Variants in NIBAN2 observed in about 807,000 individuals in gnomAD.
NIBAN2 encodes the protein niban apoptosis regulator 2.
NIBAN2 carries 36 observed loss-of-function variants against 81.8 expected under a neutral mutation model. That is an observed-to-expected ratio of 0.44 (90% CI 0.34 to 0.58). The LOEUF (loss-of-function observed/expected upper bound fraction) is 0.58, where lower values mean the gene tolerates loss of function less well. Ranked by LOEUF, NIBAN2 falls within the 20% of genes least tolerant of loss-of-function variation. NIBAN2 has a pLI of 0.02. For missense variants in NIBAN2, 897 were observed against 1,014.1 expected (o/e 0.88, Z 1.57); for synonymous variants, 445 against 441.6 (o/e 1.01, Z -0.10).
Position 127,568,925 on chromosome 9 carries a change from C to T in NIBAN2, c.-51G>A. 8.1e-7 allele frequency: 1 copy of T among 1,230,894 alleles called. No homozygotes were observed. The highest frequency in any genetic ancestry group is 1.0e-6 in the Non-Finnish European group (1 of 987,522). The allele number at this position is 1,230,894 out of a possible 1,614,324, so 76.2% of individuals were successfully genotyped here. ...CGGCCGACGCCGCCGCTGTTGCCCG[C>T]GCTGCTCAGGCGGACGCCGCTGGCG... is the stretch of plus-strand genomic sequence containing the variant. On this transcript the variant is annotated 5_prime_UTR_variant, in exon 1 of 14. Transcript: ENST00000373312.
chr9:127,556,273 G>A (rs1837668321), intron 1 of NIBAN2, among the ~76,000 whole-genome samples: 1 of 151,948 alleles, frequency 6.6e-6, no homozygotes, highest in African/African-American at 2.4e-5. Flanking sequence ...ACACGGAGGG[G>A]CCCAAACCAC....
upstream of NIBAN2, among the ~76,000 whole-genome samples, chr9:127,571,718 A>C (rs377562663): frequency 5.3e-5 from 8 of 151,998 alleles, no homozygotes; most frequent in African/African-American, 1.9e-4. Context: ...CCAAAGAAAA[A>C]AACAGAAAGT....
At chr9:127,527,553 C>A (rs1378611048) in intron 2 of NIBAN2, among the ~76,000 whole-genome samples, 3 of 152,204 alleles carry the variant, frequency 2.0e-5, no homozygotes, top group Non-Finnish European at 4.4e-5. Flanking sequence ...AGCATCCAGG[C>A]AGGGTGGTGA....
At chr9:127,510,481 GGCTGGAGTGCAGTGGC>G in intron 8 of NIBAN2, 148 bp from the exon 9 acceptor site, 1 of 481,398 alleles carries the variant, frequency 2.1e-6, no homozygotes. Context: ...CTGTCGCCCA[GGCTGGAGTGCAGTGGC>G]GCGATCTCAG....
At chr9:127,534,711 G>T (rs1190131530) in intron 1 of NIBAN2, among the ~76,000 whole-genome samples, 1 of 152,178 alleles carries the variant, frequency 6.6e-6, no homozygotes, top group African/African-American at 2.4e-5. Flanking sequence ...CAGTTTGGGG[G>T]GAGGAAGGGG....
intron 8 of NIBAN2, among the ~76,000 whole-genome samples, chr9:127,515,781 A>G (rs1836819046): frequency 6.6e-6 from 1 of 152,060 alleles, no homozygotes; most frequent in Admixed American, 6.6e-5. Context: ...GGTTGCAGTG[A>G]GCCCAGATTG....
chr9:127,522,260 G>A (rs1174942145), intron 5 of NIBAN2, among the ~76,000 whole-genome samples: 1 of 152,204 alleles, frequency 6.6e-6, no homozygotes, highest in Non-Finnish European at 1.5e-5. Flanking sequence ...GGGCAGAGGT[G>A]GCTCTGGAGA....
At chr9:127,510,626 G>A (rs530329778) in intron 8 of NIBAN2, among the ~76,000 whole-genome samples, 5 of 152,124 alleles carry the variant, frequency 3.3e-5, no homozygotes, top group South Asian at 4.2e-4. Flanking sequence ...TAGTAGAGAC[G>A]GGGTTTCACC....
intron 8 of NIBAN2, among the ~76,000 whole-genome samples, chr9:127,511,977 C>T (rs1836745072): frequency 6.6e-6 from 1 of 152,132 alleles, no homozygotes; most frequent in African/African-American, 2.4e-5. Context: ...AAAAGGGAAC[C>T]TCCGTACACT....
Position 127,575,831 on chromosome 9 carries a change from G to A in NIBAN2, c.16+3091C>T, listed in dbSNP as rs1258172856. 3.3e-5 allele frequency among the ~76,000 whole-genome samples: 5 copies of A among 152,048 alleles called. No homozygotes were observed. The South Asian group carries it at 1.0e-3, about 32-fold the overall frequency. On this transcript the variant is annotated intron_variant, in intron 1 of 13. Coordinates refer to the NIBAN2 transcript ENST00000373314. ...GGCGTGAGCCACCGTGCCTGGCTGT[G>A]TGAAACATGGATTTTTTTCCCGCAT...
chr9:127,548,299 A>C (rs1266295786), intron 1 of NIBAN2, among the ~76,000 whole-genome samples: 2 of 152,218 alleles, frequency 1.3e-5, no homozygotes, highest in African/African-American at 4.8e-5. Flanking sequence ...CGCACCCCTG[A>C]GAACCTCGAC....
chr9:127,523,612 C>T, intron 5 of NIBAN2, 67 bp downstream of exon 5: 1 of 1,524,778 alleles, frequency 6.6e-7, no homozygotes, highest in Non-Finnish European at 9.0e-7. Context: ...CACTAGGTGT[C>T]ACCATTCAGC....
At chr9:127,576,089 C>G (rs57005254) in intron 1 of NIBAN2, among the ~76,000 whole-genome samples, 6,388 of 152,226 alleles carry the variant, frequency 0.042, 213 homozygotes, top group African/African-American at 0.084. Flanking sequence ...TGTCCTCCTT[C>G]GACATGACAT....
chr9:127,521,654 C>A (rs1401026533), intron 5 of NIBAN2, among the ~76,000 whole-genome samples: 1 of 152,064 alleles, frequency 6.6e-6, no homozygotes, highest in Non-Finnish European at 1.5e-5. Context: ...TCACAGTCCG[C>A]AGGGTGGAAG....
chr9:127,549,173 A>G (rs1470447462), intron 1 of NIBAN2, among the ~76,000 whole-genome samples: 1 of 152,204 alleles, frequency 6.6e-6, no homozygotes, highest in Non-Finnish European at 1.5e-5. Context: ...ACCCCAATGG[A>G]AAAGGACTAA....
intron 2 of NIBAN2, among the ~76,000 whole-genome samples, chr9:127,531,207 A>G (rs7028534): frequency 0.022 from 3,366 of 149,890 alleles, 118 homozygotes; most frequent in African/African-American, 0.078. Flanking sequence ...AGCCGCACAT[A>G]GTGGCTCACA....
chr9:127,570,775 C>T (rs761726682), upstream of NIBAN2, among the ~76,000 whole-genome samples: 10 of 152,282 alleles, frequency 6.6e-5, no homozygotes, highest in South Asian at 2.1e-4. Flanking sequence ...CTTTGAGGGC[C>T]GGGATGCATT....
At chr9:127,520,741 A>T (rs554172088) in intron 5 of NIBAN2, among the ~76,000 whole-genome samples, 1 of 152,016 alleles carries the variant, frequency 6.6e-6, no homozygotes, top group Admixed American at 6.6e-5. Context: ...AAAATTAGCC[A>T]GGTGTGGTGG....
At chr9:127,515,322 C>T (rs1456725142) in intron 8 of NIBAN2, among the ~76,000 whole-genome samples, 2 of 151,630 alleles carry the variant, frequency 1.3e-5, no homozygotes, top group African/African-American at 4.9e-5. Context: ...AGATCGAGAC[C>T]ATCCTGGCTA....
Sources: gnomAD v4.1 joint callset for allele counts (sites outside exome capture counted in the v4.1 genomes callset) on GRCh38, gnomAD v4.1.1 for gene constraint, MANE v1.5 for transcripts, NCBI Gene and HGNC (gene_info 2026-07-23, HGNC 2026-07-21) for gene names.